The following SYN3 variants were observed in gnomAD, a reference collection of about 807,000 sequenced individuals.
SYN3 encodes synapsin III.
Under a neutral mutation model 65.8 loss-of-function variants are expected in SYN3, and 35 were observed. That is an observed-to-expected ratio of 0.53 (90% confidence interval 0.41 to 0.70). SYN3 has a LOEUF of 0.70. Among genes scored for constraint, SYN3 ranks in the 30% least tolerant of loss-of-function variants. SYN3 has a pLI of 0.00. For missense variants in SYN3, 680 were observed against 749.0 expected (o/e 0.91, Z 1.08); for synonymous variants, 270 against 292.9 (o/e 0.92, Z 0.80).
intron 3 of SYN3, among the ~76,000 whole-genome samples, chr22:32,978,240 G>C (rs2052265348): frequency 6.6e-6 from 1 of 152,100 alleles, no homozygotes; most frequent in South Asian, 2.1e-4. Flanking sequence ...GAAGGGAGAA[G>C]TGGAGGGACC....
In SYN3 at chr22:32,587,448, G is replaced by A. The variant is rs535956490; in HGVS notation, c.774+9226C>T. ...GGGTGCCTCTTCTCTGCTCACTTTTGGCTGGACTTCTGCTGATCTGTGAAA... is the reference window on the plus strand; with the variant it reads ...GGGTGCCTCTTCTCTGCTCACTTTTAGCTGGACTTCTGCTGATCTGTGAAA... On this transcript the variant is annotated intron_variant, in intron 7 of 13. Transcript: ENST00000358763. Among the ~76,000 whole-genome samples the A allele has an allele frequency of 4.6e-5, 7 of 152,122 alleles. 1 individual carries two copies. Among genetic ancestry groups the A allele is most frequent in the African/African-American group, 1.7e-4 (7 of 41,494 alleles).
intron 4 of SYN3, among the ~76,000 whole-genome samples, chr22:32,879,661 A>G (rs2049075394): frequency 6.6e-6 from 1 of 152,192 alleles, no homozygotes; most frequent in African/African-American, 2.4e-5. Context: ...GGATTTCAAC[A>G]TTTGAACTCT....
chr22:32,739,612 A>G (rs2061379323), intron 6 of SYN3, among the ~76,000 whole-genome samples: 1 of 152,022 alleles, frequency 6.6e-6, no homozygotes, highest in African/African-American at 2.4e-5. Flanking sequence ...AAATGTTCAG[A>G]TATTGTGTGT....
At chr22:33,016,473 T>C (rs2053468912) in intron 1 of SYN3, among the ~76,000 whole-genome samples, 1 of 152,204 alleles carries the variant, frequency 6.6e-6, no homozygotes, top group Admixed American at 6.5e-5. Flanking sequence ...ATAAATAATG[T>C]CATTCTATTA....
chr22:32,968,467 G>A (rs1284520721), intron 3 of SYN3, among the ~76,000 whole-genome samples: 2 of 152,152 alleles, frequency 1.3e-5, no homozygotes, highest in Non-Finnish European at 2.9e-5. Flanking sequence ...GGCTTAAAAA[G>A]TTCAATACAT....
intron 3 of SYN3, among the ~76,000 whole-genome samples, chr22:32,969,294 G>A (rs1330642677): frequency 1.3e-5 from 2 of 152,104 alleles, no homozygotes; most frequent in African/African-American, 2.4e-5. Context: ...AAAGGGTCAT[G>A]CAACGGGCAA....
chr22:33,049,314 C>T (rs1231657545), intron 1 of SYN3, among the ~76,000 whole-genome samples: 1 of 152,168 alleles, frequency 6.6e-6, no homozygotes, highest in Non-Finnish European at 1.5e-5. Context: ...AGGTGGGCTC[C>T]CCCTGCTGGA....
At chr22:32,537,166 C>A (rs554867830) in intron 9 of SYN3, among the ~76,000 whole-genome samples, 2 of 151,986 alleles carry the variant, frequency 1.3e-5, no homozygotes, top group African/African-American at 4.8e-5. Flanking sequence ...CCCTTCCCCC[C>A]CTTTTTTTTT....
chr22:32,871,633 G>C (rs2048852033), intron 4 of SYN3, among the ~76,000 whole-genome samples: 1 of 151,756 alleles, frequency 6.6e-6, no homozygotes, highest in Non-Finnish European at 1.5e-5. Context: ...TTTAGAGACA[G>C]GGTCTCCCTC....
intron 1 of SYN3, among the ~76,000 whole-genome samples, chr22:33,025,634 GAAAA>G (rs34210309): frequency 3.5e-5 from 5 of 142,774 alleles, no homozygotes; most frequent in African/African-American, 2.6e-5. Flanking sequence ...ACTCCGTCTG[GAAAA>G]AAAAAAAAAA....
chr22:32,785,414 G>T (rs940270229), intron 6 of SYN3, among the ~76,000 whole-genome samples: 1 of 152,092 alleles, frequency 6.6e-6, no homozygotes, highest in Admixed American at 6.5e-5. Context: ...TTGGCCAAAG[G>T]GATCCCCTTC....
intron 7 of SYN3, among the ~76,000 whole-genome samples, chr22:32,561,650 G>A (rs1471731273): frequency 3.3e-5 from 5 of 152,152 alleles, no homozygotes; most frequent in African/African-American, 9.7e-5. Context: ...CCACTCACCC[G>A]TCCCCGGAGC....
At chr22:32,649,957 C>CTGA (rs915058370) in intron 6 of SYN3, among the ~76,000 whole-genome samples, 21 of 152,130 alleles carry the variant, frequency 1.4e-4, no homozygotes, top group African/African-American at 5.1e-4. Context: ...GGAGAAAAAG[C>CTGA]TGATGAGGCT....
At chr22:32,520,502 G>T (rs1265743096) in intron 12 of SYN3, among the ~76,000 whole-genome samples, 4 of 152,134 alleles carry the variant, frequency 2.6e-5, no homozygotes, top group Non-Finnish European at 5.9e-5. Flanking sequence ...CTACGAATAA[G>T]GGGACACGCC....
At chr22:32,746,884 G>A (rs2044950146) in intron 6 of SYN3, among the ~76,000 whole-genome samples, 1 of 152,200 alleles carries the variant, frequency 6.6e-6, no homozygotes, top group Non-Finnish European at 1.5e-5. Context: ...AAGGGCTGGG[G>A]CCAGGCTTAG....
At position 32,801,548 on chromosome 22, in the gene SYN3, C is replaced by A. The variant is rs1005946592; in HGVS notation, c.711+63367G>T. On this transcript the variant is annotated intron_variant, in intron 6 of 13. Coordinates refer to ENST00000358763, the MANE Select transcript of SYN3 (RefSeq NM_003490.4). This position sits in a 1 kb window ranked among gnomAD's most constrained non-coding sequence, Gnocchi z 4.7. ...GATCTGAACGATCCGGGGGCGGCCC[C>A]GCCCCGTTACCCCTTGCCCCCGGCC... Among the ~76,000 whole-genome samples, 8 of 152,180 alleles carry A rather than the reference C, an allele frequency of 5.3e-5. No individual in the cohort carries two copies. Among genetic ancestry groups the A allele is most frequent in the Non-Finnish European group, 1.0e-4 (7 of 68,012 alleles).
At chr22:32,849,900 G>A (rs2048172327) in intron 6 of SYN3, among the ~76,000 whole-genome samples, 1 of 151,960 alleles carries the variant, frequency 6.6e-6, no homozygotes, top group Non-Finnish European at 1.5e-5. Context: ...GGTTGGACTA[G>A]ATCATCTCTA....
intron 6 of SYN3, among the ~76,000 whole-genome samples, chr22:32,648,568 A>G (rs1733010695): frequency 6.6e-6 from 1 of 152,234 alleles, no homozygotes; most frequent in Admixed American, 6.5e-5. Context: ...TAATGGAAAG[A>G]GCACAGCATT....
chr22:32,557,631 A>G (rs1302781386), intron 7 of SYN3, among the ~76,000 whole-genome samples: 4 of 152,228 alleles, frequency 2.6e-5, no homozygotes, highest in Non-Finnish European at 5.9e-5. Context: ...ATAATTTATG[A>G]GCCAACTGTT....
Sources: allele counts gnomAD v4.1 joint callset (sites outside exome capture counted in the v4.1 genomes callset), GRCh38; gene constraint gnomAD v4.1.1; non-coding constraint Gnocchi (gnomAD v3.1); transcripts MANE v1.5; gene names NCBI Gene and HGNC (gene_info 2026-07-23, HGNC 2026-07-21).